Variants in LRRK2 observed in about 807,000 individuals in gnomAD.
The protein encoded by LRRK2 is leucine rich repeat kinase 2.
In LRRK2, 203 loss-of-function variants were observed where a neutral mutation model predicts 302.6. That is an observed-to-expected ratio of 0.67 (90% CI 0.60 to 0.75). The LOEUF is 0.75. Among genes scored for constraint, LRRK2 ranks in the 30% least tolerant of loss-of-function variants. The pLI is 0.00. For missense variants in LRRK2, 2,830 were observed against 2,951.0 expected (o/e 0.96, Z 0.95); for synonymous variants, 1,066 against 1,031.9 (o/e 1.03, Z -0.63).
intron 49 of LRRK2, chr12:40,366,748 C>T (rs1946891611): frequency 2.5e-6 from 1 of 402,680 alleles, no homozygotes; most frequent in African/African-American, 2.1e-5. Flanking sequence ...AATACTGAGC[C>T]TATTTTATAG....
intron 2 of LRRK2, among the ~76,000 whole-genome samples, chr12:40,231,201 T>C (rs1187501801): frequency 6.6e-6 from 1 of 152,046 alleles, no homozygotes; most frequent in Admixed American, 6.6e-5. Context: ...ACTTCATTTT[T>C]TCCTATAATT....
At chr12:40,304,934 C>T (rs969447851) in intron 27 of LRRK2, 7 of 152,072 alleles carry the variant, frequency 4.6e-5, no homozygotes, top group Non-Finnish European at 8.8e-5. Flanking sequence ...CACCAAATCT[C>T]TGTCCAATCT....
chr12:40,302,543 A>G (rs1195795343), intron 25 of LRRK2, among the ~76,000 whole-genome samples: 1 of 152,126 alleles, frequency 6.6e-6, no homozygotes, highest in Non-Finnish European at 1.5e-5. Context: ...GGGTAGACAA[A>G]TTTATATTTA....
intron 39 of LRRK2, among the ~76,000 whole-genome samples, chr12:40,333,772 G>C (rs1182719462): frequency 6.6e-6 from 1 of 152,106 alleles, no homozygotes; most frequent in Non-Finnish European, 1.5e-5. Flanking sequence ...TAATATTTGA[G>C]ATAAGATCTG....
intron 44 of LRRK2, among the ~76,000 whole-genome samples, chr12:40,353,808 C>A (rs1272330450): frequency 6.6e-6 from 1 of 152,232 alleles, no homozygotes; most frequent in Admixed American, 6.5e-5. Flanking sequence ...ACAGCGAAAC[C>A]CCGTCTCCAC....
At chr12:40,252,827 A>C in intron 10 of LRRK2, 83 bp from the exon 11 acceptor site, 4 of 870,610 alleles carry the variant, frequency 4.6e-6, no homozygotes, top group Non-Finnish European at 7.7e-6. Context: ...AATTGTTGTT[A>C]GAGATATTTG....
At chr12:40,272,009 A>G (rs1056148400) in intron 14 of LRRK2, among the ~76,000 whole-genome samples, 5 of 152,208 alleles carry the variant, frequency 3.3e-5, no homozygotes, top group African/African-American at 1.2e-4. Flanking sequence ...TAATTTTAGC[A>G]TAAAAATAAG....
At chr12:40,270,965 A>G (rs2136582896) in intron 14 of LRRK2, among the ~76,000 whole-genome samples, 1 of 152,200 alleles carries the variant, frequency 6.6e-6, no homozygotes, top group South Asian at 2.1e-4. Flanking sequence ...ACAAAAATGG[A>G]GACAGGGTCT....
intron 10 of LRRK2, among the ~76,000 whole-genome samples, chr12:40,251,963 G>A (rs1223506990): frequency 6.6e-6 from 1 of 152,180 alleles, no homozygotes. Flanking sequence ...CCTATGATGA[G>A]TTCCCAACTG....
At chr12:40,290,259 G>A (rs1944091647) in intron 20 of LRRK2, among the ~76,000 whole-genome samples, 1 of 151,776 alleles carries the variant, frequency 6.6e-6, no homozygotes. Context: ...TTGCATTCCT[G>A]GAGTAAATCT....
chr12:40,279,684 T>C (rs1307813658), intron 18 of LRRK2, among the ~76,000 whole-genome samples: 1 of 152,248 alleles, frequency 6.6e-6, no homozygotes, highest in African/African-American at 2.4e-5. Flanking sequence ...ATTCTTTCAA[T>C]TTATCCAAAT....
At chr12:40,304,355 C>A (rs1010754463) in intron 27 of LRRK2, 5 of 582,334 alleles carry the variant, frequency 8.6e-6, no homozygotes, top group South Asian at 6.9e-5. Context: ...ATTCTCACAC[C>A]GACAATTTAA....
chr12:40,352,798 C>A (rs962381727), intron 44 of LRRK2, among the ~76,000 whole-genome samples: 1 of 151,942 alleles, frequency 6.6e-6, no homozygotes, highest in African/African-American at 2.4e-5. Flanking sequence ...AGATCAACAG[C>A]ATCCCAAGGC....
intron 25 of LRRK2, among the ~76,000 whole-genome samples, chr12:40,300,055 G>A (rs1258747131): frequency 6.6e-6 from 1 of 152,138 alleles, no homozygotes; most frequent in Non-Finnish European, 1.5e-5. Context: ...AGCTGGGTAA[G>A]GCATCCTGAT....
chr12:40,321,447 GT>G (rs544117570), intron 35 of LRRK2, among the ~76,000 whole-genome samples: 122 of 152,056 alleles, frequency 8.0e-4, no homozygotes, highest in African/African-American at 2.6e-3. Context: ...GATCTTGACT[GT>G]GATTACATTG....
intron 11 of LRRK2, among the ~76,000 whole-genome samples, chr12:40,255,897 C>T (rs186170841): frequency 2.7e-4 from 41 of 152,286 alleles, no homozygotes; most frequent in African/African-American, 9.9e-4. Flanking sequence ...TTTTCAGGCT[C>T]TGGCAGTATT....
chr12:40,345,537 C>T (rs1460921488), intron 41 of LRRK2, among the ~76,000 whole-genome samples: 3 of 146,882 alleles, frequency 2.0e-5, no homozygotes, highest in African/African-American at 5.0e-5. Flanking sequence ...GCAGGAGAAT[C>T]GCTTGAACCC....
In LRRK2 at chr12:40,356,119, CA is replaced by C; in HGVS notation, c.6782del (p.Asn2261IlefsTer12). On this transcript the variant is annotated frameshift_variant, in exon 46 of 51. Transcript: ENST00000298910. LOFTEE classifies it high-confidence loss of function. The stretch of plus-strand genomic sequence containing the variant: ...TTTCAACATTTTTCCTTTTAGCAAA[CA>C]AAAAAATTTTCTTTTGGTTGGAACC... ...YCNSFSKQSK[Q>X]KNFLLVGTAD... is the part of the protein sequence containing the mutation. 2.5e-6 allele frequency: 4 copies of C among 1,609,084 alleles called. No homozygotes were observed. Among genetic ancestry groups the C allele is most frequent in the East Asian group, 2.2e-5 (1 of 44,762 alleles).
chr12:40,356,364 TTGAC>T (rs1297614278), intron 46 of LRRK2, among the ~76,000 whole-genome samples, 177 bp downstream of exon 46: 1 of 152,196 alleles, frequency 6.6e-6, no homozygotes, highest in African/African-American at 2.4e-5. Flanking sequence ...TACTTGCTGA[TTGAC>T]TGTATATTTT....
Sources: gnomAD v4.1 joint callset for allele counts (sites outside exome capture counted in the v4.1 genomes callset) on GRCh38, gnomAD v4.1.1 for gene constraint, MANE v1.5 for transcripts, NCBI Gene and HGNC (gene_info 2026-07-23, HGNC 2026-07-21) for gene names.